The following HMCN1 variants were observed in gnomAD, a reference collection of about 807,000 sequenced individuals.
HMCN1 encodes the protein hemicentin-1.
In HMCN1, 321 loss-of-function variants were observed where a neutral mutation model predicts 625.9. The ratio of observed to expected loss-of-function variants is 0.51; its 90% CI spans 0.47 to 0.56. HMCN1 has a LOEUF of 0.56. Among genes scored for constraint, HMCN1 ranks in the 20% least tolerant of loss-of-function variants. HMCN1 has a pLI of 0.00. For missense variants in HMCN1, 6,588 were observed against 6,887.3 expected, an observed-to-expected ratio of 0.96 and a Z score of 1.54; for synonymous variants, 2,425 against 2,417.6, an observed-to-expected ratio of 1.00 and a Z score of -0.09.
chr1:185,763,102 C>A (rs1329371108), intron 1 of HMCN1, among the ~76,000 whole-genome samples: 4 of 152,120 alleles, frequency 2.6e-5, no homozygotes, highest in Non-Finnish European at 5.9e-5. Flanking sequence ...GGCCCAAAAA[C>A]CCAGGACGCT....
chr1:185,888,476 A>G (rs1433278047), intron 4 of HMCN1, among the ~76,000 whole-genome samples: 25 of 142,128 alleles, frequency 1.8e-4, no homozygotes, highest in African/African-American at 6.1e-4. Context: ...ATCTTGAATT[A>G]ATTTTTGTAT....
chr1:186,107,066 G>A lies in HMCN1; in HGVS notation c.10852+101G>A, dbSNP rs1450098699. 25 of 817,824 alleles carry A rather than the reference G, an allele frequency of 3.1e-5. 1 individual carries two copies. Among genetic ancestry groups the A allele is most frequent in the Admixed American group, 1.5e-4 (8 of 54,892 alleles). 50.7% of individuals were successfully genotyped at this position (817,824 alleles called of 1,614,324 possible). ...ATCACAGGATATGTTTATAAGTTAG[G>A]GAATATATATTTTGCAAATCTGAAT... On this transcript the variant is annotated intron_variant, in intron 70 of 106. Transcript: ENST00000271588.
rs776258614 is a variant in HMCN1 at position 186,095,287 on chromosome 1, G to A, written c.10339G>A (p.Val3447Ile). 1 of 1,613,794 alleles carries A rather than the reference G, an allele frequency of 6.2e-7. No individual in the cohort carries two copies. Among genetic ancestry groups the A allele is most frequent in the Non-Finnish European group, 8.5e-7 (1 of 1,179,850 alleles). The change falls in exon 68 of 107, where the codon GTT (valine) becomes ATT (isoleucine). Residue 3447 changes from valine to isoleucine, a missense_variant. By Grantham distance (29) the Val-to-Ile change is conservative. Coordinates refer to ENST00000271588, the MANE Select transcript of HMCN1 (RefSeq NM_031935.3). ...TTCAATGGGGACAGAGGAAATCACA[G>A]TTCTCAAAGGTAGTTCCACCTCTAT... ...DNSMGTEEIT[V>I]LKGSSTSMAC...
intron 4 of HMCN1, among the ~76,000 whole-genome samples, chr1:185,881,066 T>C (rs1332992452): frequency 1.3e-5 from 2 of 152,226 alleles, no homozygotes; most frequent in Admixed American, 6.5e-5. Context: ...ACTGCTCTTT[T>C]AGCTCTGCTG....
intron 1 of HMCN1, among the ~76,000 whole-genome samples, chr1:185,836,287 G>A (rs1362293526): frequency 6.6e-6 from 1 of 151,934 alleles, no homozygotes; most frequent in Non-Finnish European, 1.5e-5. Flanking sequence ...AGTACAATAA[G>A]TTGAAAATTT....
chr1:185,945,145 A>G (rs1489712313), intron 11 of HMCN1, among the ~76,000 whole-genome samples: 1 of 152,198 alleles, frequency 6.6e-6, no homozygotes, highest in African/African-American at 2.4e-5. Context: ...CAAAGGAGGA[A>G]TATTTATTTA....
chr1:186,065,494 CT>C (rs1282632215), intron 49 of HMCN1, 65 bp downstream of exon 49: 1 of 1,243,996 alleles, frequency 8.0e-7, no homozygotes, highest in African/African-American at 1.5e-5. Flanking sequence ...ATTTTCTTTT[CT>C]TTTTCTGTTC....
At chr1:186,084,256 G>A (rs1308304173) in intron 57 of HMCN1, among the ~76,000 whole-genome samples, 1 of 152,086 alleles carries the variant, frequency 6.6e-6, no homozygotes, top group Non-Finnish European at 1.5e-5. Flanking sequence ...TATAGTTGTG[G>A]TAGTTGCTAA....
intron 4 of HMCN1, among the ~76,000 whole-genome samples, chr1:185,872,374 G>A (rs1351307248): frequency 6.6e-6 from 1 of 152,010 alleles, no homozygotes; most frequent in African/African-American, 2.4e-5. Flanking sequence ...TTATAGGTCA[G>A]GAATATGCTT....
At chr1:185,863,925 G>A (rs986807985) in intron 2 of HMCN1, among the ~76,000 whole-genome samples, 22 of 152,162 alleles carry the variant, frequency 1.4e-4, no homozygotes, top group Non-Finnish European at 2.4e-4. Flanking sequence ...GAATGATTTA[G>A]TAAAGAGTGT....
intron 89 of HMCN1, among the ~76,000 whole-genome samples, chr1:186,139,150 A>G (rs1419906744): frequency 6.6e-6 from 1 of 152,224 alleles, no homozygotes; most frequent in Non-Finnish European, 1.5e-5. Flanking sequence ...TGTGCAGATG[A>G]GGAAAGATTT....
At position 186,087,596 on chromosome 1, in the gene HMCN1, A is replaced by G. The variant is rs371120895; in HGVS notation, c.9314A>G (p.His3105Arg). 1.7e-5 allele frequency: 27 copies of G among 1,613,170 alleles called. No individual in the cohort carries two copies. The African/African-American group carries it at 2.4e-4, about 14-fold the overall frequency. ...GGGCGGATGATAACAGAGTCTACTC[A>G]TGTGGAGATTTTAGCTGATGGACAA... is the stretch of plus-strand genomic sequence containing the variant. ...KNGRMITESTHVEILADGQML... is the reference protein window; with the variant it reads ...KNGRMITESTRVEILADGQML... The change falls in exon 60 of 107, where the codon CAT (histidine) becomes CGT (arginine). Residue 3105 changes from histidine to arginine, a missense_variant. Coordinates refer to ENST00000271588, the MANE Select transcript of HMCN1 (RefSeq NM_031935.3).
intron 1 of HMCN1, among the ~76,000 whole-genome samples, chr1:185,778,451 C>G (rs1209779896): frequency 6.6e-6 from 1 of 150,562 alleles, no homozygotes; most frequent in African/African-American, 2.5e-5. Flanking sequence ...CACCCATTAA[C>G]TCGTCATTTA....
chr1:186,047,553 A>G (rs773894797), intron 41 of HMCN1, among the ~76,000 whole-genome samples: 7 of 152,146 alleles, frequency 4.6e-5, no homozygotes, highest in Non-Finnish European at 8.8e-5. Context: ...ATAGAATCTT[A>G]CCATTTTGTT....
chr1:186,132,469 GTATT>G, intron 86 of HMCN1, 60 bp downstream of exon 86: 1 of 1,298,854 alleles, frequency 7.7e-7, no homozygotes, highest in Non-Finnish European at 1.1e-6. Flanking sequence ...CTAATAAAGA[GTATT>G]TATTTTCTTT....
At chr1:186,122,526 T>A (rs540618795) in intron 80 of HMCN1, among the ~76,000 whole-genome samples, 1 of 152,346 alleles carries the variant, frequency 6.6e-6, no homozygotes, top group African/African-American at 2.4e-5. Context: ...ATGTGTATTC[T>A]AAGCTCTATG....
intron 81 of HMCN1, among the ~76,000 whole-genome samples, chr1:186,124,080 G>A (rs1268509101): frequency 2.0e-5 from 3 of 151,920 alleles, no homozygotes; most frequent in Non-Finnish European, 4.4e-5. Context: ...CTATCCATTT[G>A]CCTTCAAATA....
rs368814484 is a variant in HMCN1, at chr1:185,784,203, A to C, written c.268+49156A>C. ...TGCTGTTTGCTAAGACCATTGGAAA[A>C]GCGCAGTATTAGGATGGGAGTGACC... On this transcript the variant is annotated intron_variant, in intron 1 of 106. Coordinates refer to ENST00000271588, the MANE Select transcript of HMCN1 (RefSeq NM_031935.3). Among the ~76,000 whole-genome samples, 14 of 152,326 alleles carry C rather than the reference A, an allele frequency of 9.2e-5. 1 individual carries two copies. The East Asian group carries it at 2.5e-3, about 27-fold the overall frequency.
At chr1:186,163,919 A>G (rs1435244081) in intron 97 of HMCN1, among the ~76,000 whole-genome samples, 1 of 152,182 alleles carries the variant, frequency 6.6e-6, no homozygotes. Flanking sequence ...TTTATAACCA[A>G]AAACCTAACA....
Sources: allele counts gnomAD v4.1 joint callset (sites outside exome capture counted in the v4.1 genomes callset), GRCh38; gene constraint gnomAD v4.1.1; transcripts MANE v1.5; gene names NCBI Gene and HGNC (gene_info 2026-07-23, HGNC 2026-07-21).